The following AGBL4 variants were observed in gnomAD, a reference collection of about 807,000 sequenced individuals.
AGBL4 encodes the protein AGBL carboxypeptidase 4.
Under a neutral mutation model 66.4 loss-of-function variants are expected in AGBL4, and 58 were observed. That is an observed-to-expected ratio of 0.87 (90% CI 0.71 to 1.09). The LOEUF (loss-of-function observed/expected upper bound fraction) is 1.09, where lower values mean the gene tolerates loss of function less well. Ranked by LOEUF, AGBL4 falls within the 50% of genes least tolerant of loss-of-function variation. The pLI, the probability that AGBL4 is intolerant of heterozygous loss-of-function variation, is 0.00. For synonymous variants in AGBL4, 234 were observed against 222.9 expected (o/e 1.05, Z -0.44); for missense variants, 579 against 631.0 (o/e 0.92, Z 0.88).
At chr1:49,921,745 C>T (rs1024980707) in intron 1 of AGBL4, among the ~76,000 whole-genome samples, 1 of 152,176 alleles carries the variant, frequency 6.6e-6, no homozygotes, top group Non-Finnish European at 1.5e-5. Context: ...AAGCATCCAG[C>T]ATGGGAAAAA....
At chr1:49,628,513 A>G (rs1645507597) in intron 3 of AGBL4, among the ~76,000 whole-genome samples, 2 of 152,150 alleles carry the variant, frequency 1.3e-5, no homozygotes, top group Non-Finnish European at 2.9e-5. Flanking sequence ...GCCTCTGACC[A>G]CTGCACCTCT....
intron 1 of AGBL4, among the ~76,000 whole-genome samples, chr1:49,975,589 C>T (rs189647733): frequency 3.9e-5 from 6 of 152,276 alleles, no homozygotes; most frequent in Admixed American, 2.0e-4. Context: ...GAGGTTTGCA[C>T]GCTCCTGTCT....
chr1:49,547,739 T>C (rs966278802), intron 3 of AGBL4, among the ~76,000 whole-genome samples: 2 of 152,134 alleles, frequency 1.3e-5, no homozygotes, highest in African/African-American at 4.8e-5. Context: ...CTAAGTATTT[T>C]ATTTATTTCT....
chr1:49,303,412 G>A (rs1026435289), intron 3 of AGBL4, among the ~76,000 whole-genome samples: 2 of 151,246 alleles, frequency 1.3e-5, no homozygotes, highest in Non-Finnish European at 2.9e-5. Flanking sequence ...GATCAGTGAT[G>A]TTGAGCTCTT....
At chr1:48,630,675 G>C (rs1645579038) in intron 9 of AGBL4, among the ~76,000 whole-genome samples, 3 of 152,104 alleles carry the variant, frequency 2.0e-5, no homozygotes, top group Non-Finnish European at 4.4e-5. Flanking sequence ...GCACCAGAGG[G>C]GTCTCTCTGA....
At chr1:49,479,561 G>C (rs1281618223) in intron 3 of AGBL4, among the ~76,000 whole-genome samples, 1 of 151,724 alleles carries the variant, frequency 6.6e-6, no homozygotes, top group Non-Finnish European at 1.5e-5. Flanking sequence ...GGGGTATTTG[G>C]TTTTCTGTTC....
chr1:49,978,495 CTG>C (rs1277724060), intron 1 of AGBL4, among the ~76,000 whole-genome samples: 1 of 152,196 alleles, frequency 6.6e-6, no homozygotes, highest in East Asian at 1.9e-4. Flanking sequence ...AAAAGTAAAA[CTG>C]TGAAACCCTA....
chr1:49,598,358 G>A (rs181227865), intron 3 of AGBL4, among the ~76,000 whole-genome samples: 3 of 152,160 alleles, frequency 2.0e-5, no homozygotes, highest in Middle Eastern at 3.4e-3. Context: ...ATCTACTTTT[G>A]GTCTTTGATG....
intron 5 of AGBL4, among the ~76,000 whole-genome samples, chr1:48,976,031 T>C (rs1659309729): frequency 6.6e-6 from 1 of 152,166 alleles, no homozygotes; most frequent in Non-Finnish European, 1.5e-5. Context: ...TTCTTATTAA[T>C]AGCCTAATGG....
intron 4 of AGBL4, among the ~76,000 whole-genome samples, chr1:49,163,970 C>T (rs956145823): frequency 5.3e-5 from 8 of 152,000 alleles, no homozygotes; most frequent in Admixed American, 2.0e-4. Flanking sequence ...ATCCCATTCA[C>T]GAAGCCGTTA....
chr1:48,806,045 T>G (rs959887853), intron 6 of AGBL4, among the ~76,000 whole-genome samples: 2 of 152,180 alleles, frequency 1.3e-5, no homozygotes, highest in African/African-American at 2.4e-5. Flanking sequence ...TGATGATTGC[T>G]TAGAAACACA....
chr1:49,392,679 T>C (rs1644876179), intron 3 of AGBL4, among the ~76,000 whole-genome samples: 1 of 149,838 alleles, frequency 6.7e-6, no homozygotes, highest in South Asian at 2.1e-4. Context: ...TCAACTAATG[T>C]GCAATTTTCA....
At chr1:49,192,140 C>T (rs1647132463) in intron 4 of AGBL4, among the ~76,000 whole-genome samples, 1 of 152,040 alleles carries the variant, frequency 6.6e-6, no homozygotes, top group Non-Finnish European at 1.5e-5. Context: ...ACTTTTTAAT[C>T]CTAGCCATTC....
At chr1:50,007,866 C>G (rs1661253817) in intron 1 of AGBL4, among the ~76,000 whole-genome samples, 1 of 151,864 alleles carries the variant, frequency 6.6e-6, no homozygotes, top group South Asian at 2.1e-4. Flanking sequence ...AACCCAAAAA[C>G]AGCAGAAGTT....
At chr1:49,341,822 C>T (rs1570474117) in intron 3 of AGBL4, among the ~76,000 whole-genome samples, 1 of 152,172 alleles carries the variant, frequency 6.6e-6, no homozygotes. Flanking sequence ...TTTCTCTAGC[C>T]ACCCTGAGCA....
intron 3 of AGBL4, among the ~76,000 whole-genome samples, chr1:49,461,847 A>C (rs1570773277): frequency 6.6e-6 from 1 of 151,500 alleles, no homozygotes; most frequent in South Asian, 2.1e-4. Context: ...TACGTGTCAC[A>C]TTTTCTTTAT....
At chr1:49,460,576 G>T (rs376161998) in intron 3 of AGBL4, among the ~76,000 whole-genome samples, 1 of 151,666 alleles carries the variant, frequency 6.6e-6, no homozygotes, top group Non-Finnish European at 1.5e-5. Flanking sequence ...ATTGAAGCAT[G>T]TAGGCCACTT....
At position 48,816,379 on chromosome 1, in the gene AGBL4, T is replaced by C. The variant is rs553355606; in HGVS notation, c.634+50812A>G. Among the ~76,000 whole-genome samples, 10 of 152,292 alleles carry C rather than the reference T, an allele frequency of 6.6e-5. No homozygotes were observed. In the South Asian group the frequency reaches 1.2e-3, roughly 19 times the overall value. ...ATGGCAGAACAGCCAGATTTTGCTT[T>C]GCCAAGTCAATCTAAAAAGTAACTC... On this transcript the variant is annotated intron_variant, in intron 6 of 13. Coordinates refer to ENST00000371839, the MANE Select transcript of AGBL4 (RefSeq NM_032785.4).
chr1:49,747,929 AAGG>A (rs1651115385), intron 2 of AGBL4, among the ~76,000 whole-genome samples: 1 of 131,886 alleles, frequency 7.6e-6, no homozygotes, highest in Non-Finnish European at 1.6e-5. Flanking sequence ...GAACCAATAA[AAGG>A]AGTGTGTGTG....
Sources: allele counts gnomAD v4.1 joint callset (sites outside exome capture counted in the v4.1 genomes callset), GRCh38; gene constraint gnomAD v4.1.1; transcripts MANE v1.5; gene names NCBI Gene and HGNC (gene_info 2026-07-23, HGNC 2026-07-21).